Variants in AP3S2 observed in about 807,000 individuals in gnomAD.
The protein encoded by AP3S2 is AP-3 complex subunit sigma-2.
AP3S2 carries 22 observed loss-of-function variants against 23.4 expected under a neutral mutation model. The ratio of observed to expected loss-of-function variants is 0.94; its 90% confidence interval spans 0.67 to 1.34. The LOEUF (loss-of-function observed/expected upper bound fraction) is 1.34, where lower values mean the gene tolerates loss of function less well. Among genes scored for constraint, AP3S2 ranks in the 40% most tolerant of loss-of-function variants. AP3S2 has a pLI of 0.00. For synonymous variants in AP3S2, 86 were observed against 87.1 expected (o/e 0.99, Z 0.07); for missense variants, 241 against 236.9 (o/e 1.02, Z -0.11).
intron 4 of AP3S2, among the ~76,000 whole-genome samples, chr15:89,853,230 T>A (rs925738702): frequency 1.3e-5 from 2 of 152,124 alleles, no homozygotes; most frequent in Non-Finnish European, 2.9e-5. Flanking sequence ...TAAAGGATAG[T>A]CTTAAGGCAC....
At chr15:89,863,738 T>C (rs1896057763) in intron 4 of AP3S2, among the ~76,000 whole-genome samples, 1 of 152,204 alleles carries the variant, frequency 6.6e-6, no homozygotes, top group Non-Finnish European at 1.5e-5. Flanking sequence ...TCCATGACTA[T>C]CTAATGAAGA....
chr15:89,852,042 C>A (rs1295159182), intron 4 of AP3S2, among the ~76,000 whole-genome samples: 1 of 152,194 alleles, frequency 6.6e-6, no homozygotes, highest in Non-Finnish European at 1.5e-5. Context: ...GGGAATACTA[C>A]AGGCAGCATT....
intron 4 of AP3S2, among the ~76,000 whole-genome samples, chr15:89,853,088 T>C (rs906736132): frequency 2.6e-5 from 4 of 152,150 alleles, no homozygotes; most frequent in Admixed American, 1.3e-4. Context: ...TGAACTATCA[T>C]AAGGTTTTGA....
intron 3 of AP3S2, among the ~76,000 whole-genome samples, chr15:89,872,832 G>A (rs1896352319): frequency 6.6e-6 from 1 of 152,168 alleles, no homozygotes; most frequent in East Asian, 1.9e-4. Context: ...TGCCGACTCT[G>A]ATACCAAGAT....
At position 89,884,479 on chromosome 15, in the gene AP3S2, A is replaced by G. The variant is rs112737454; in HGVS notation, c.273+4042T>C. ...AAACAAACAAAAACCCTTAAGGCCA[A>G]TAAAGCCTAGATGATTTGTTTAAGG... On this transcript the variant is annotated intron_variant, in intron 3 of 5. Transcript: ENST00000336418. 9.7e-3 allele frequency among the ~76,000 whole-genome samples: 1,470 copies of G among 152,222 alleles called. 32 individuals carry two copies. Among genetic ancestry groups the G allele is most frequent in the African/African-American group, 0.033 (1,363 of 41,522 alleles).
intron 4 of AP3S2, among the ~76,000 whole-genome samples, chr15:89,854,510 G>A (rs1895761362): frequency 1.2e-5 from 1 of 82,422 alleles, no homozygotes; most frequent in African/African-American, 4.7e-5. Context: ...GCCCCGTCCG[G>A]GAGGGAGGTG....
intron 1 of AP3S2, among the ~76,000 whole-genome samples, chr15:89,890,204 C>T (rs1218319019): frequency 1.3e-5 from 2 of 152,230 alleles, no homozygotes; most frequent in Middle Eastern, 3.4e-3. Context: ...TATGTGCCAC[C>T]ATGCCCGGCT....
At chr15:89,890,860 G>C (rs1896805681) in intron 1 of AP3S2, among the ~76,000 whole-genome samples, 1 of 152,216 alleles carries the variant, frequency 6.6e-6, no homozygotes, top group African/African-American at 2.4e-5. Context: ...ACATGGGTAT[G>C]GAATGGCTCA....
At chr15:89,839,063 C>T (rs997416354) in intron 4 of AP3S2, among the ~76,000 whole-genome samples, 7 of 152,194 alleles carry the variant, frequency 4.6e-5, no homozygotes, top group African/African-American at 1.7e-4. Context: ...GGTCTCTACT[C>T]CTCCAGCTTG....
At chr15:89,891,647 C>A in intron 1 of AP3S2, among the ~76,000 whole-genome samples, 1 of 150,354 alleles carries the variant, frequency 6.7e-6, no homozygotes, top group Non-Finnish European at 1.5e-5. Flanking sequence ...GAGTGAGATT[C>A]AGTCTCGGAG....
chr15:89,860,291 C>T (rs997856645), intron 4 of AP3S2, among the ~76,000 whole-genome samples: 9 of 152,072 alleles, frequency 5.9e-5, no homozygotes, highest in East Asian at 1.9e-4. Flanking sequence ...AGATTAACAA[C>T]GATAACTAAT....
At position 89,893,925 on chromosome 15, in the gene AP3S2, T is replaced by G; in HGVS notation, c.25A>C (p.Asn9His). The G allele has an allele frequency of 6.4e-7, 1 of 1,551,636 alleles. No individual in the cohort carries two copies. The highest frequency in any genetic ancestry group is 8.7e-7 in the Non-Finnish European group (1 of 1,146,982). The change falls in exon 1 of 6, where the codon AAC (asparagine) becomes CAC (histidine). Residue 9 changes from asparagine (N) to histidine (H), a missense_variant. Transcript: ENST00000336418. ...ACTAGCCGTGGCTTCCCATGGTTGT[T>G]GAAAACCAGAATCGCCTGAATCATC... MIQAILVF[N>H]NHGKPRLVRF... is the part of the protein sequence containing the mutation.
At chr15:89,855,135 T>C (rs1895794425) in intron 4 of AP3S2, among the ~76,000 whole-genome samples, 1 of 128,708 alleles carries the variant, frequency 7.8e-6, no homozygotes. Context: ...GCCGTGTCTG[T>C]GTAGAAAGAA....
chr15:89,842,833 C>A (rs1173891210), intron 4 of AP3S2, among the ~76,000 whole-genome samples: 1 of 152,054 alleles, frequency 6.6e-6, no homozygotes, highest in Non-Finnish European at 1.5e-5. Context: ...GGATGGTCTG[C>A]ATCTCTTGAC....
intron 1 of AP3S2, 58 bp from the exon 2 acceptor site, chr15:89,889,198 C>T: frequency 6.3e-7 from 1 of 1,577,946 alleles, no homozygotes; most frequent in Non-Finnish European, 8.7e-7. Flanking sequence ...ACATCCCATC[C>T]ATGGGGATGG....
At chr15:89,839,471 T>C (rs1008271400) in intron 4 of AP3S2, among the ~76,000 whole-genome samples, 1 of 152,242 alleles carries the variant, frequency 6.6e-6, no homozygotes, top group Non-Finnish European at 1.5e-5. Context: ...CAAATGAAGA[T>C]TTAATGGTAA....
intron 5 of AP3S2, among the ~76,000 whole-genome samples, 178 bp downstream of exon 5, chr15:89,837,437 T>C (rs1449571119): frequency 6.6e-6 from 1 of 152,202 alleles, no homozygotes; most frequent in African/African-American, 2.4e-5. Flanking sequence ...TGTTACCTGT[T>C]TAATTTTCAG....
At position 89,836,679 on chromosome 15, in the gene AP3S2, G is replaced by A. The variant is rs533002757; in HGVS notation, c.453+936C>T. ...ATTTTTCCCCTATTGCCTTCTTTCC[G>A]GATACCAACTCTGCTTCTGCCCTCA... On this transcript the variant is annotated intron_variant, in intron 5 of 5. Coordinates refer to ENST00000336418, the MANE Select transcript of AP3S2 (RefSeq NM_005829.5). 3.9e-5 allele frequency among the ~76,000 whole-genome samples: 6 copies of A among 152,226 alleles called. No homozygotes were observed. The South Asian group carries it at 1.0e-3, about 26-fold the overall frequency.
intron 4 of AP3S2, among the ~76,000 whole-genome samples, chr15:89,848,397 G>A (rs967699956): frequency 2.0e-5 from 3 of 152,234 alleles, no homozygotes; most frequent in Admixed American, 6.5e-5. Flanking sequence ...GTCTCGCTCT[G>A]TCGCCCAGGC....
Sources: gnomAD v4.1 joint callset for allele counts (sites outside exome capture counted in the v4.1 genomes callset) on GRCh38, gnomAD v4.1.1 for gene constraint, MANE v1.5 for transcripts, NCBI Gene and HGNC (gene_info 2026-07-23, HGNC 2026-07-21) for gene names.